Variants in PARD3B observed in about 807,000 individuals in gnomAD.
PARD3B encodes the protein par-3 family cell polarity regulator beta.
Under a neutral mutation model 130.2 loss-of-function variants are expected in PARD3B, and 103 were observed. The observed-to-expected ratio is 0.79, with a 90% confidence interval of 0.67 to 0.93. The LOEUF (loss-of-function observed/expected upper bound fraction) is 0.93, where lower values mean the gene tolerates loss of function less well. Among genes scored for constraint, PARD3B ranks in the 40% least tolerant of loss-of-function variants. The probability of loss-of-function intolerance (pLI) is 0.00; values close to 1 mark genes in which losing one functional copy is unlikely to be tolerated. For missense variants in PARD3B, 1,609 were observed against 1,499.2 expected, an observed-to-expected ratio of 1.07 and a Z score of -1.21; for synonymous variants, 583 against 553.2, an observed-to-expected ratio of 1.05 and a Z score of -0.76.
At chr2:204,651,907 C>G (rs949846682) in intron 1 of PARD3B, among the ~76,000 whole-genome samples, 1 of 152,138 alleles carries the variant, frequency 6.6e-6, no homozygotes, top group African/African-American at 2.4e-5. Flanking sequence ...AAGCTATGGC[C>G]CAAGCTGTAC....
intron 2 of PARD3B, among the ~76,000 whole-genome samples, chr2:204,820,071 CTTT>C (rs557143420): frequency 5.1e-5 from 5 of 98,422 alleles, no homozygotes; most frequent in Admixed American, 3.8e-4. Context: ...AAACAATAGA[CTTT>C]TTTTTTTTTT....
At chr2:205,326,033 C>T (rs1415563418) in intron 18 of PARD3B, among the ~76,000 whole-genome samples, 1 of 152,070 alleles carries the variant, frequency 6.6e-6, no homozygotes, top group Admixed American at 6.6e-5. Context: ...TGTTAATTTG[C>T]ATGTGAAGTA....
At chr2:205,459,054 C>T (rs1246696286) in intron 20 of PARD3B, among the ~76,000 whole-genome samples, 15 of 152,186 alleles carry the variant, frequency 9.9e-5, no homozygotes, top group Admixed American at 9.8e-4. Context: ...CCTATCTTCC[C>T]ATCCCTGTGA....
At chr2:205,327,921 A>G (rs1008356464) in intron 18 of PARD3B, among the ~76,000 whole-genome samples, 2 of 152,172 alleles carry the variant, frequency 1.3e-5, no homozygotes, top group African/African-American at 4.8e-5. Context: ...TCCAGGGTCC[A>G]TTTTTATTTT....
At chr2:205,206,709 T>G (rs1458837226) in intron 15 of PARD3B, among the ~76,000 whole-genome samples, 2 of 152,096 alleles carry the variant, frequency 1.3e-5, no homozygotes, top group African/African-American at 4.8e-5. Context: ...CAGCATGCTT[T>G]ATAGTCCTTT....
chr2:204,718,175 T>C (rs2038825227), intron 2 of PARD3B, among the ~76,000 whole-genome samples: 1 of 152,116 alleles, frequency 6.6e-6, no homozygotes, highest in African/African-American at 2.4e-5. Context: ...TTTCTATTTC[T>C]TTGGTCGTGG....
intron 20 of PARD3B, among the ~76,000 whole-genome samples, chr2:205,488,795 A>G (rs890837056): frequency 7.2e-5 from 11 of 152,170 alleles, no homozygotes; most frequent in South Asian, 2.1e-4. Flanking sequence ...GGAATGTCCA[A>G]TGGAATCACT....
Position 205,229,723 on chromosome 2 carries a change from C to T in PARD3B, c.2141-16055C>T, listed in dbSNP as rs2038736462. On this transcript the variant is annotated intron_variant, in intron 15 of 22. Transcript: ENST00000406610. This position sits in a 1 kb window ranked among gnomAD's most constrained non-coding sequence, Gnocchi z 5.2. ...CCGCAATAAGCAGGTGGTAAAGCCA[C>T]CCAGGCTTGTGTCCTTCCCTTCAGG... Among the ~76,000 whole-genome samples, 2 of 152,196 alleles carry T rather than the reference C, an allele frequency of 1.3e-5. No homozygotes were observed. The highest frequency in any genetic ancestry group is 4.1e-4 in the South Asian group (2 of 4,828).
At chr2:205,576,177 G>T (rs1420491305) in intron 22 of PARD3B, among the ~76,000 whole-genome samples, 4 of 152,106 alleles carry the variant, frequency 2.6e-5, no homozygotes, top group Non-Finnish European at 2.9e-5. Context: ...TATCTTCTTT[G>T]ATGAGGTGTC....
chr2:204,765,300 G>T (rs2041096291), intron 2 of PARD3B, among the ~76,000 whole-genome samples: 1 of 152,124 alleles, frequency 6.6e-6, no homozygotes, highest in Non-Finnish European at 1.5e-5. Flanking sequence ...GGGGTTGGAG[G>T]CCACAGTCTG....
chr2:205,399,489 G>A (rs1385330621), intron 18 of PARD3B, among the ~76,000 whole-genome samples: 2 of 151,382 alleles, frequency 1.3e-5, no homozygotes, highest in Non-Finnish European at 2.9e-5. Flanking sequence ...TGAGTAACTG[G>A]GACTACAGGC....
intron 22 of PARD3B, among the ~76,000 whole-genome samples, chr2:205,579,853 G>C (rs1227456644): frequency 6.6e-6 from 1 of 152,186 alleles, no homozygotes; most frequent in Non-Finnish European, 1.5e-5. Flanking sequence ...ATAATAGCCA[G>C]TTGGCTCTTG....
In PARD3B at chr2:205,270,476, A is replaced by G. The variant is rs557038803; in HGVS notation, c.2185+24654A>G. On this transcript the variant is annotated intron_variant, in intron 16 of 22. Transcript: ENST00000406610. ...CAGCTACTCAGGAGGCTGAGGCAGG[A>G]ATATCGCTTGAACCCGGGAGGCGGA... Among the ~76,000 whole-genome samples the G allele has an allele frequency of 7.0e-4, 106 of 152,170 alleles. 1 individual carries two copies. Among genetic ancestry groups the G allele is most frequent in the African/African-American group, 2.5e-3 (103 of 41,506 alleles).
At chr2:205,465,305 T>C (rs999943670) in intron 20 of PARD3B, among the ~76,000 whole-genome samples, 2 of 152,186 alleles carry the variant, frequency 1.3e-5, no homozygotes, top group Non-Finnish European at 2.9e-5. Context: ...GATCTAGTGG[T>C]ACTATTAGTA....
At chr2:205,494,213 CT>C (rs1181093179) in intron 20 of PARD3B, among the ~76,000 whole-genome samples, 1 of 152,160 alleles carries the variant, frequency 6.6e-6, no homozygotes, top group Non-Finnish European at 1.5e-5. Context: ...ACAGAAACAG[CT>C]GTTTGAAATC....
intron 18 of PARD3B, among the ~76,000 whole-genome samples, chr2:205,354,100 A>G (rs895207356): frequency 7.0e-6 from 1 of 143,092 alleles, no homozygotes; most frequent in African/African-American, 2.7e-5. Context: ...TGGCAGTGAC[A>G]TGAACGTGGC....
At chr2:204,560,187 A>G (rs2031219301) in intron 1 of PARD3B, among the ~76,000 whole-genome samples, 1 of 152,192 alleles carries the variant, frequency 6.6e-6, no homozygotes. Flanking sequence ...TAAAAGTATA[A>G]TAGTAAAATG....
chr2:204,737,418 C>T (rs2039807465), intron 2 of PARD3B, among the ~76,000 whole-genome samples: 1 of 152,132 alleles, frequency 6.6e-6, no homozygotes, highest in African/African-American at 2.4e-5. Context: ...CTTTTGCCCC[C>T]TTTTTAATGA....
In PARD3B at chr2:205,232,403, C is replaced by G. The variant is rs564732071; in HGVS notation, c.2141-13375C>G. Among the ~76,000 whole-genome samples the G allele has an allele frequency of 7.9e-5, 12 of 152,148 alleles. No homozygotes were observed. In the East Asian group the frequency reaches 1.9e-3, roughly 25 times the overall value. On this transcript the variant is annotated intron_variant, in intron 15 of 22. Coordinates refer to ENST00000406610, the MANE Select transcript of PARD3B (RefSeq NM_001302769.2). ...TAAACTGTGATTGTGCCACTGTACT[C>G]CAACTTGGGTAGCAGAGCCAGATCT...
Sources: gnomAD v4.1 joint callset for allele counts (sites outside exome capture counted in the v4.1 genomes callset) on GRCh38, gnomAD v4.1.1 for gene constraint, Gnocchi (gnomAD v3.1) non-coding constraint, MANE v1.5 for transcripts, NCBI Gene and HGNC (gene_info 2026-07-23, HGNC 2026-07-21) for gene names.